The following PPM1B variants were observed in gnomAD, a reference collection of about 807,000 sequenced individuals.
PPM1B encodes protein phosphatase 1B.
PPM1B carries 22 observed loss-of-function variants against 43.0 expected under a neutral mutation model. The observed-to-expected ratio is 0.51, with a 90% CI of 0.37 to 0.73. The LOEUF is 0.73. PPM1B is among the 30% of genes least tolerant of loss of function. The pLI is 0.00. For missense variants in PPM1B, 632 were observed against 584.2 expected, an observed-to-expected ratio of 1.08 and a Z score of -0.84; for synonymous variants, 217 against 197.9, an observed-to-expected ratio of 1.10 and a Z score of -0.81.
At chr2:44,178,486 A>C (rs1004135260) in intron 1 of PPM1B, among the ~76,000 whole-genome samples, 2 of 115,368 alleles carry the variant, frequency 1.7e-5, no homozygotes, top group African/African-American at 6.9e-5. Context: ...TTTTTTTTTT[A>C]GACAGAGTTT....
At chr2:44,204,618 C>G (rs1021043071) in intron 2 of PPM1B, among the ~76,000 whole-genome samples, 2 of 151,826 alleles carry the variant, frequency 1.3e-5, no homozygotes, top group South Asian at 4.2e-4. Flanking sequence ...ATTTTCACAA[C>G]CATATGAGGT....
chr2:44,214,798 T>G (rs1412333925), intron 3 of PPM1B, among the ~76,000 whole-genome samples: 1 of 152,190 alleles, frequency 6.6e-6, no homozygotes, highest in East Asian at 1.9e-4. Context: ...CCTAAAGTTC[T>G]CCTAGTCAGA....
chr2:44,176,293 C>T (rs757638374), intron 1 of PPM1B, among the ~76,000 whole-genome samples: 2 of 152,148 alleles, frequency 1.3e-5, no homozygotes, highest in African/African-American at 4.8e-5. Context: ...TGGGATATAC[C>T]TATAAAATAT....
At chr2:44,180,025 A>G (rs1174788768) in intron 1 of PPM1B, among the ~76,000 whole-genome samples, 3 of 131,862 alleles carry the variant, frequency 2.3e-5, no homozygotes, top group African/African-American at 8.4e-5. Context: ...AAAAAAAAAA[A>G]AAAGACTTTA....
chr2:44,224,327 C>T (rs1290863844), intron 5 of PPM1B, among the ~76,000 whole-genome samples: 15 of 151,730 alleles, frequency 9.9e-5, no homozygotes, highest in African/African-American at 2.2e-4. Context: ...TGGTGGCGGG[C>T]GCCTGTAGTC....
intron 1 of PPM1B, among the ~76,000 whole-genome samples, chr2:44,193,741 G>A (rs1367019643): frequency 6.6e-6 from 1 of 151,970 alleles, no homozygotes; most frequent in Non-Finnish European, 1.5e-5. Flanking sequence ...ACCATGCCCG[G>A]CTAATTTTTG....
chr2:44,199,359 C>G (rs1227354946), intron 1 of PPM1B, among the ~76,000 whole-genome samples: 1 of 149,154 alleles, frequency 6.7e-6, no homozygotes, highest in Admixed American at 6.7e-5. Context: ...TATGGTGGCA[C>G]GTGCCTGTAG....
chr2:44,232,789 C>G (rs1670505241), downstream of PPM1B: 2 of 985,174 alleles, frequency 2.0e-6, no homozygotes, highest in Non-Finnish European at 2.4e-6. Flanking sequence ...AGTTGGAAGC[C>G]TTTTGCAGCT....
At chr2:44,234,366 A>G (rs1670551759), downstream of PPM1B, 3 of 519,138 alleles carry the variant, frequency 5.8e-6, no homozygotes, top group African/African-American at 4.2e-5. Context: ...TAAAAATACA[A>G]AGATTAGCTG....
At chr2:44,185,994 ATGTTC>A (rs1315846618) in intron 1 of PPM1B, among the ~76,000 whole-genome samples, 3 of 152,122 alleles carry the variant, frequency 2.0e-5, no homozygotes, top group African/African-American at 4.8e-5. Context: ...TGTGAGCTAC[ATGTTC>A]TGTTTCTGTG....
chr2:44,178,673 G>A (rs894897885), intron 1 of PPM1B, among the ~76,000 whole-genome samples: 6 of 151,876 alleles, frequency 4.0e-5, no homozygotes, highest in African/African-American at 1.2e-4. Flanking sequence ...GTTTCACCAT[G>A]TTGGCCAGGG....
intron 1 of PPM1B, among the ~76,000 whole-genome samples, chr2:44,197,844 A>C (rs961683868): frequency 6.6e-6 from 1 of 152,222 alleles, no homozygotes; most frequent in Non-Finnish European, 1.5e-5. Context: ...AGTGTATATC[A>C]GTATCTTAGT....
downstream of PPM1B, chr2:44,234,190 C>T (rs1444132425): frequency 1.0e-6 from 1 of 983,088 alleles, no homozygotes; most frequent in African/African-American, 1.7e-5. Context: ...ATATTAACCC[C>T]TTCTGTACTC....
chr2:44,192,770 A>G (rs186936482), intron 1 of PPM1B, among the ~76,000 whole-genome samples: 4 of 152,090 alleles, frequency 2.6e-5, no homozygotes, highest in Admixed American at 2.6e-4. Flanking sequence ...CTCTGCTTCT[A>G]TGAGTTTGAT....
intron 5 of PPM1B, chr2:44,230,165 T>G: frequency 1.4e-6 from 2 of 1,432,694 alleles, no homozygotes; most frequent in Non-Finnish European, 9.1e-7. Flanking sequence ...AATTTCAGAT[T>G]AAACTTTAAA....
At chr2:44,194,416 T>C (rs1444703415) in intron 1 of PPM1B, among the ~76,000 whole-genome samples, 1 of 152,296 alleles carries the variant, frequency 6.6e-6, no homozygotes, top group East Asian at 1.9e-4. Context: ...CCTTGATTTC[T>C]GGGAGTTGGT....
downstream of PPM1B, chr2:44,244,514 CT>C (rs957827413): frequency 9.8e-6 from 6 of 612,572 alleles, no homozygotes; most frequent in Admixed American, 3.2e-4. Flanking sequence ...CTTGGCAGCA[CT>C]TTTGGTTTGA....
At chr2:44,205,129 A>G (rs1005165100) in intron 2 of PPM1B, among the ~76,000 whole-genome samples, 8 of 152,188 alleles carry the variant, frequency 5.3e-5, no homozygotes, top group Non-Finnish European at 1.2e-4. Context: ...ATACATACTT[A>G]TTAATCCTCA....
intron 5 of PPM1B, chr2:44,218,881 CCAG>C (rs1473258211): frequency 2.1e-6 from 1 of 465,926 alleles, no homozygotes; most frequent in Admixed American, 2.3e-5. Context: ...AATTTCTCCT[CCAG>C]CAGGCTGCTG....
Sources: gnomAD v4.1 joint callset for allele counts (sites outside exome capture counted in the v4.1 genomes callset) on GRCh38, gnomAD v4.1.1 for gene constraint, MANE v1.5 for transcripts, NCBI Gene and HGNC (gene_info 2026-07-23, HGNC 2026-07-21) for gene names.